The following DCTN5 variants were observed in gnomAD, a reference collection of about 807,000 sequenced individuals.
The protein encoded by DCTN5 is dynactin subunit 5.
DCTN5 carries 14 observed loss-of-function variants against 23.5 expected under a neutral mutation model. That is an observed-to-expected ratio of 0.60 (90% CI 0.39 to 0.93). The LOEUF is 0.93. Ranked by LOEUF, DCTN5 falls within the 40% of genes least tolerant of loss-of-function variation. The probability of loss-of-function intolerance (pLI) is 0.00; values close to 1 mark genes in which losing one functional copy is unlikely to be tolerated. For synonymous variants in DCTN5, 67 were observed against 79.6 expected (o/e 0.84, Z 0.84); for missense variants, 156 against 225.9 (o/e 0.69, Z 1.98).
At position 23,674,186 on chromosome 16, in the gene DCTN5, C is replaced by T. The variant is rs1260324300; in HGVS notation, c.*7042C>T. On this transcript the variant is annotated 3_prime_UTR_variant, in exon 6 of 6. Transcript: ENST00000300087. ...CGAGCTATGCTGAACTGAAAGCAGG[C>T]ACAGGCTCAATGACCAGGACTCAGA... 1 of 152,160 alleles carries T rather than the reference C, an allele frequency of 6.6e-6. No homozygotes were observed. The highest frequency in any genetic ancestry group is 2.4e-5 in the African/African-American group (1 of 41,422). 9.4% of individuals were successfully genotyped at this position (152,160 alleles called of 1,614,324 possible).
At chr16:23,648,586 G>C (rs1967526370) in intron 2 of DCTN5, among the ~76,000 whole-genome samples, 1 of 151,852 alleles carries the variant, frequency 6.6e-6, no homozygotes, top group South Asian at 2.1e-4. Context: ...CTGACCTCAA[G>C]TATTCCGCCT....
rs1967953995 is a variant in DCTN5, at chr16:23,668,838, T to C, written c.*1694T>C. The C allele has an allele frequency of 2.6e-5, 4 of 152,242 alleles. No individual in the cohort carries two copies. Among genetic ancestry groups the C allele is most frequent in the African/African-American group, 9.7e-5 (4 of 41,440 alleles). The allele number at this position is 152,242 out of a possible 1,614,324, so 9.4% of individuals were successfully genotyped here. ...TCCCTTCCAGTTCGAATTTGGAAAC[T>C]CCCAAAGTTCTCAATGGTTTGTTGT... On this transcript the variant is annotated 3_prime_UTR_variant, in exon 6 of 6. Transcript: ENST00000300087.
At chr16:23,665,793 A>G (rs2140988167) in intron 5 of DCTN5, 65 bp downstream of exon 5, 1 of 1,323,266 alleles carries the variant, frequency 7.6e-7, no homozygotes, top group Non-Finnish European at 1.1e-6. Flanking sequence ...TTCCATCGCA[A>G]AAGTAATGCT....
chr16:23,647,559 A>G (rs2140973900), intron 2 of DCTN5, among the ~76,000 whole-genome samples: 1 of 148,172 alleles, frequency 6.7e-6, no homozygotes, highest in Non-Finnish European at 1.5e-5. Context: ...CCCAGGCTGG[A>G]TGCAATGGTG....
intron 4 of DCTN5, among the ~76,000 whole-genome samples, chr16:23,662,927 T>C (rs1476877460): frequency 6.6e-6 from 1 of 152,250 alleles, no homozygotes; most frequent in Non-Finnish European, 1.5e-5. Flanking sequence ...TGCTCTTGTT[T>C]TTATGCCACT....
chr16:23,650,914 T>C, intron 2 of DCTN5: 1 of 1,399,434 alleles, frequency 7.1e-7, no homozygotes, highest in Non-Finnish European at 9.8e-7. Flanking sequence ...CCCAAGCTGG[T>C]TGTTACTGTG....
At chr16:23,665,168 A>G (rs1444304051) in intron 4 of DCTN5, among the ~76,000 whole-genome samples, 1 of 152,130 alleles carries the variant, frequency 6.6e-6, no homozygotes, top group Non-Finnish European at 1.5e-5. Context: ...AATTGGGGTC[A>G]TATGCTGACC....
At chr16:23,646,768 G>T (rs964183407) in intron 2 of DCTN5, among the ~76,000 whole-genome samples, 4 of 152,040 alleles carry the variant, frequency 2.6e-5, no homozygotes, top group Non-Finnish European at 4.4e-5. Flanking sequence ...TAGAGACAGG[G>T]TTTCTCCATA....
chr16:23,658,477 T>C, intron 2 of DCTN5, 30 bp from the exon 3 acceptor site: 1 of 1,510,180 alleles, frequency 6.6e-7, no homozygotes. Flanking sequence ...GCTATGTTGC[T>C]AATTTTTTAA....
At chr16:23,656,988 T>C (rs1431196748) in intron 2 of DCTN5, among the ~76,000 whole-genome samples, 2 of 130,616 alleles carry the variant, frequency 1.5e-5, no homozygotes, top group African/African-American at 6.3e-5. Flanking sequence ...AGACTCCATC[T>C]CAAAAAAAAA....
chr16:23,659,059 C>T (rs777957934), intron 3 of DCTN5, among the ~76,000 whole-genome samples: 6 of 152,154 alleles, frequency 3.9e-5, no homozygotes, highest in Non-Finnish European at 8.8e-5. Flanking sequence ...CTCACAGATA[C>T]CTGCCCCATT....
rs991473937 is a variant in DCTN5 at position 23,675,884 on chromosome 16, A to C, written c.*8740A>C. ...GAACAAGCAAAACTGTTTGGGACTC[A>C]CTGCCTTCAGGCAGTCCCTTGGAAG... On this transcript the variant is annotated 3_prime_UTR_variant, in exon 6 of 6. Transcript: ENST00000300087. The C allele has an allele frequency of 1.3e-5, 2 of 152,220 alleles. No individual in the cohort carries two copies. The highest frequency in any genetic ancestry group is 4.8e-5 in the African/African-American group (2 of 41,444). 9.4% of individuals were successfully genotyped at this position (152,220 alleles called of 1,614,324 possible).
chr16:23,645,587 T>G (rs2140972041), intron 2 of DCTN5, among the ~76,000 whole-genome samples: 1 of 152,320 alleles, frequency 6.6e-6, no homozygotes, highest in East Asian at 1.9e-4. Context: ...GCTGATAGCC[T>G]GAATCTACTT....
chr16:23,661,738 A>ATAAATAAATAAC, intron 4 of DCTN5, among the ~76,000 whole-genome samples: 1 of 151,734 alleles, frequency 6.6e-6, no homozygotes, highest in African/African-American at 2.4e-5. Context: ...AAATAAATAA[A>ATAAATAAATAAC]TAAATAAATA....
intron 2 of DCTN5, among the ~76,000 whole-genome samples, chr16:23,644,800 T>A (rs1967389343): frequency 6.6e-6 from 1 of 151,356 alleles, no homozygotes; most frequent in Non-Finnish European, 1.5e-5. Flanking sequence ...TTTTTAAAAA[T>A]TTTTATTATT....
At chr16:23,657,905 A>G (rs1967739147) in intron 2 of DCTN5, among the ~76,000 whole-genome samples, 1 of 152,116 alleles carries the variant, frequency 6.6e-6, no homozygotes, top group Non-Finnish European at 1.5e-5. Context: ...TTTTAACCCC[A>G]TTCATTTATT....
At chr16:23,648,659 G>T (rs930413555) in intron 2 of DCTN5, among the ~76,000 whole-genome samples, 2 of 151,590 alleles carry the variant, frequency 1.3e-5, no homozygotes. Flanking sequence ...CCTATTTGTA[G>T]TTTTTTTAAG....
intron 2 of DCTN5, chr16:23,651,129 T>C: frequency 6.3e-6 from 8 of 1,272,522 alleles, no homozygotes; most frequent in Middle Eastern, 3.1e-4. Flanking sequence ...ATAATAAAAA[T>C]GCTGCATGAG....
chr16:23,649,631 G>T (rs938684197), intron 2 of DCTN5, among the ~76,000 whole-genome samples: 2 of 151,982 alleles, frequency 1.3e-5, no homozygotes, highest in Non-Finnish European at 2.9e-5. Context: ...TCACTTGAGG[G>T]CAGGAGTTCA....
Sources: gnomAD v4.1 joint callset for allele counts (sites outside exome capture counted in the v4.1 genomes callset) on GRCh38, gnomAD v4.1.1 for gene constraint, MANE v1.5 for transcripts, NCBI Gene and HGNC (gene_info 2026-07-23, HGNC 2026-07-21) for gene names.